SMARCB1: variants seen among roughly 807,000 people sequenced by gnomAD.
The protein encoded by SMARCB1 is SWI/SNF related BAF chromatin remodeling complex subunit B1, also known as SWI/SNF-related matrix-associated actin-dependent regulator of chromatin subfamily B member 1.
SMARCB1 carries 5 observed loss-of-function variants against 49.0 expected under a neutral mutation model. That is an observed-to-expected ratio of 0.10 (90% CI 0.05 to 0.21). SMARCB1 has a LOEUF of 0.21. Among genes scored for constraint, SMARCB1 ranks in the 10% least tolerant of loss-of-function variants. The pLI is 1.00. For synonymous variants in SMARCB1, 201 were observed against 200.1 expected, an observed-to-expected ratio of 1.00 and a Z score of -0.04; for missense variants, 226 against 509.2, an observed-to-expected ratio of 0.44 and a Z score of 5.35.
chr22:23,796,675 A>G (rs1440907519), intron 3 of SMARCB1, among the ~76,000 whole-genome samples: 1 of 152,174 alleles, frequency 6.6e-6, no homozygotes, highest in African/African-American at 2.4e-5. Context: ...GAAGTTGCAG[A>G]AGGAAATTGT....
chr22:23,837,828 G>A lies in SMARCB1; in HGVS notation c.*3648G>A, dbSNP rs374746855. ...TGGCCATGAGGGCCTGGCCCAGGAA[G>A]AACAGGCTGCCCAGGAGTCCCAGCA... On this transcript the variant is annotated 3_prime_UTR_variant, in exon 9 of 9. Transcript: ENST00000644036. 15 of 1,613,406 alleles carry A rather than the reference G, an allele frequency of 9.3e-6. No individual in the cohort carries two copies. Among genetic ancestry groups the A allele is most frequent in the South Asian group, 3.3e-5 (3 of 91,072 alleles).
intron 6 of SMARCB1, among the ~76,000 whole-genome samples, chr22:23,818,890 G>A (rs2029925859): frequency 6.6e-6 from 1 of 152,192 alleles, no homozygotes; most frequent in Non-Finnish European, 1.5e-5. Flanking sequence ...GCCCAGGCTG[G>A]AGTGCAGTGG....
chr22:23,792,900 C>T (rs1601390146), intron 2 of SMARCB1: 1 of 165,052 alleles, frequency 6.1e-6, no homozygotes, highest in South Asian at 1.6e-4. Context: ...TCCCCATAAG[C>T]GATTGATTTC....
At chr22:23,808,380 C>T (rs557814860) in intron 5 of SMARCB1, among the ~76,000 whole-genome samples, 2 of 152,210 alleles carry the variant, frequency 1.3e-5, no homozygotes, top group African/African-American at 4.8e-5. Context: ...CTCGGCCTCC[C>T]AAAGTGTTGG....
At position 23,816,898 on chromosome 22, in the gene SMARCB1, ATCC is replaced by A. The variant is rs1930227319; in HGVS notation, c.759_761del (p.Ile253_Leu254delinsMet). The A allele has an allele frequency of 1.2e-6, 2 of 1,614,034 alleles. No homozygotes were observed. Among genetic ancestry groups the A allele is most frequent in the Non-Finnish European group, 1.7e-6 (2 of 1,180,022 alleles). On this transcript the variant is annotated inframe_deletion, in exon 6 of 9. Transcript: ENST00000644036. ...GATCGAGTCCTACCCCACGGACAGCATCCTGGAGGACCAGTCAGACCAGCGCGT... is the reference window on the plus strand; with the variant it reads ...GATCGAGTCCTACCCCACGGACAGCATGGAGGACCAGTCAGACCAGCGCGT...
chr22:23,795,596 C>T (rs772831310), intron 3 of SMARCB1, among the ~76,000 whole-genome samples: 1 of 151,538 alleles, frequency 6.6e-6, no homozygotes. Context: ...GCGGAGGTTG[C>T]GGTGAGCCGA....
intron 7 of SMARCB1, among the ~76,000 whole-genome samples, chr22:23,831,641 A>G (rs2030660865): frequency 6.6e-6 from 1 of 152,216 alleles, no homozygotes; most frequent in South Asian, 2.1e-4. Context: ...GGAGTGGAAT[A>G]TTCCCAGCAT....
At position 23,836,251 on chromosome 22, in the gene SMARCB1, AT is replaced by A; in HGVS notation, c.*2072del. Reference sequence around the variant, plus strand: ...AGTCCTGGCCCTCTTCTGCACCTGAATCCATGGGGCTTTGGCATCACCAGAT... The same window carrying A: ...AGTCCTGGCCCTCTTCTGCACCTGAACCATGGGGCTTTGGCATCACCAGAT... On this transcript the variant is annotated 3_prime_UTR_variant, in exon 9 of 9. Transcript: ENST00000644036. 1.0e-6 allele frequency: 1 copy of A among 985,446 alleles called. No homozygotes were observed. Among genetic ancestry groups the A allele is most frequent in the Non-Finnish European group, 1.2e-6 (1 of 829,952 alleles). 61.0% of individuals were successfully genotyped at this position (985,446 alleles called of 1,614,324 possible).
Position 23,837,065 on chromosome 22 carries a change from G to C in SMARCB1, c.*2885G>C, listed in dbSNP as rs754811736. 6.2e-7 allele frequency: 1 copy of C among 1,613,780 alleles called. No homozygotes were observed. The highest frequency in any genetic ancestry group is 1.1e-5 in the South Asian group (1 of 91,060). On this transcript the variant is annotated 3_prime_UTR_variant, in exon 9 of 9. Coordinates refer to ENST00000644036, the MANE Select transcript of SMARCB1 (RefSeq NM_003073.5). ...GGAGGGAGGGCTCTCAACACTCACA[G>C]GAAGCCAGGGGTCTGCAGGAGCCTC...
At chr22:23,826,877 T>C (rs527334616) in intron 7 of SMARCB1, among the ~76,000 whole-genome samples, 1 of 152,328 alleles carries the variant, frequency 6.6e-6, no homozygotes, top group South Asian at 2.1e-4. Flanking sequence ...TCCTGTGACC[T>C]GCCCCCCAGC....
Position 23,834,840 on chromosome 22 carries a change from G to T in SMARCB1, c.*660G>T, listed in dbSNP as rs534994795. On this transcript the variant is annotated 3_prime_UTR_variant, in exon 9 of 9. Coordinates refer to ENST00000644036, the MANE Select transcript of SMARCB1 (RefSeq NM_003073.5). ...CCTTGCTTGGCCTCAGGAAGGTGCCGCGAGCTCTCCTGCCGTCCCTGGGCC... is the reference window on the plus strand; with the variant it reads ...CCTTGCTTGGCCTCAGGAAGGTGCCTCGAGCTCTCCTGCCGTCCCTGGGCC... The T allele has an allele frequency of 2.5e-6, 4 of 1,611,766 alleles. No individual in the cohort carries two copies. The Admixed American group carries it at 6.7e-5, about 27-fold the overall frequency.
At chr22:23,820,443 A>G (rs886219692) in intron 6 of SMARCB1, among the ~76,000 whole-genome samples, 8 of 152,098 alleles carry the variant, frequency 5.3e-5, no homozygotes. Flanking sequence ...GTATGGTGGC[A>G]CACACCTGTA....
intron 5 of SMARCB1, among the ~76,000 whole-genome samples, chr22:23,809,906 C>G (rs1311659933): frequency 6.6e-6 from 1 of 151,988 alleles, no homozygotes; most frequent in Non-Finnish European, 1.5e-5. Flanking sequence ...CGGGGTGGCT[C>G]ATGCCTGTAA....
intron 4 of SMARCB1, chr22:23,801,288 T>C: frequency 1.3e-6 from 1 of 774,062 alleles, no homozygotes; most frequent in Non-Finnish European, 2.2e-6. Flanking sequence ...GCTGTCACCT[T>C]GCCATGTCCT....
chr22:23,822,957 CTTTTTTTTTTTTTTTTTT>C (rs58056758), intron 6 of SMARCB1, among the ~76,000 whole-genome samples: 7 of 72,764 alleles, frequency 9.6e-5, no homozygotes, highest in South Asian at 4.7e-4. Context: ...ACCAGCATAG[CTTTTTTTTTTTTTTTTTT>C]TTTTTTTTTT....
chr22:23,790,797 C>T (rs945179306), intron 1 of SMARCB1, among the ~76,000 whole-genome samples: 3 of 152,076 alleles, frequency 2.0e-5, no homozygotes, highest in Non-Finnish European at 2.9e-5. Flanking sequence ...GAGCTATGAT[C>T]GATCGCACCA....
At position 23,837,712 on chromosome 22, in the gene SMARCB1, G is replaced by A. The variant is rs151270860; in HGVS notation, c.*3532G>A. The A allele has an allele frequency of 1.9e-5, 30 of 1,613,956 alleles. No homozygotes were observed. The African/African-American group carries it at 2.4e-4, about 13-fold the overall frequency. On this transcript the variant is annotated 3_prime_UTR_variant, in exon 9 of 9. Coordinates refer to ENST00000644036, the MANE Select transcript of SMARCB1 (RefSeq NM_003073.5). The stretch of plus-strand genomic sequence containing the variant: ...CAGCAGCAGCGAGAAGCCCATGAGC[G>A]CCCAAGGCAGGAACGGTGCCTGGAA...
chr22:23,819,346 A>ATT (rs1292873409), intron 6 of SMARCB1, among the ~76,000 whole-genome samples: 1 of 149,090 alleles, frequency 6.7e-6, no homozygotes, highest in East Asian at 2.0e-4. Context: ...TCATTCATTC[A>ATT]TTTAGATGGA....
At chr22:23,787,628 TGTC>T (rs1240390026) in intron 1 of SMARCB1, among the ~76,000 whole-genome samples, 1 of 152,082 alleles carries the variant, frequency 6.6e-6, no homozygotes, top group East Asian at 1.9e-4. Context: ...CCTTTTTAGA[TGTC>T]GTAAATTTCA....
Sources: allele counts gnomAD v4.1 joint callset (sites outside exome capture counted in the v4.1 genomes callset), GRCh38; gene constraint gnomAD v4.1.1; transcripts MANE v1.5; gene names NCBI Gene and HGNC (gene_info 2026-07-23, HGNC 2026-07-21).